STIL: variants seen among roughly 807,000 people sequenced by gnomAD.
STIL encodes the protein SCL-interrupting locus protein.
STIL carries 55 observed loss-of-function variants against 110.1 expected under a neutral mutation model. That is an observed-to-expected ratio of 0.50 (90% confidence interval 0.40 to 0.63). STIL has a LOEUF of 0.63. STIL is among the 20% of genes least tolerant of loss of function. The pLI, the probability that STIL is intolerant of heterozygous loss-of-function variation, is 0.00. For missense variants in STIL, 1,358 were observed against 1,530.0 expected (o/e 0.89, Z 1.87); for synonymous variants, 481 against 530.0 (o/e 0.91, Z 1.27).
chr1:47,301,719 G>A lies in STIL; in HGVS notation c.295C>T (p.Arg99Cys), dbSNP rs1183021387. 3 of 1,613,926 alleles carry A rather than the reference G, an allele frequency of 1.9e-6. No individual in the cohort carries two copies. Among genetic ancestry groups the A allele is most frequent in the Non-Finnish European group, 1.7e-6 (2 of 1,179,992 alleles). Reference protein sequence around the residue: ...DEEGVTLTVDRFDPGREVPEC... With the variant: ...DEEGVTLTVDCFDPGREVPEC... ...GGTACTTCTCGACCAGGATCAAAGC[G>A]ATCTACTGTCAATGTTACACCTTCT... The change falls in exon 5 of 17, where the codon CGC becomes TGC. Residue 99 changes from arginine (R) to cysteine (C), a missense_variant. Transcript: ENST00000371877.
chr1:47,304,223 T>C (rs1316166033), intron 3 of STIL, among the ~76,000 whole-genome samples: 1 of 151,964 alleles, frequency 6.6e-6, no homozygotes, highest in Non-Finnish European at 1.5e-5. Context: ...CTCACTTTGT[T>C]GCCCAGGCTG....
intron 1 of STIL, among the ~76,000 whole-genome samples, chr1:47,312,334 C>CA (rs1278458803): frequency 6.6e-6 from 1 of 151,888 alleles, no homozygotes; most frequent in Non-Finnish European, 1.5e-5. Context: ...ACTAAAAATA[C>CA]AAAAAATTAG....
At chr1:47,253,532 C>T (rs1644245445) in intron 16 of STIL, among the ~76,000 whole-genome samples, 1 of 152,086 alleles carries the variant, frequency 6.6e-6, no homozygotes, top group Non-Finnish European at 1.5e-5. Context: ...GTTGAGAAAA[C>T]TGAGGAATAG....
At chr1:47,256,522 G>A (rs1644331704) in intron 16 of STIL, among the ~76,000 whole-genome samples, 4 of 151,352 alleles carry the variant, frequency 2.6e-5, no homozygotes, top group Admixed American at 6.6e-5. Flanking sequence ...TCAGGAGGCG[G>A]AGGCAGAAGA....
intron 16 of STIL, among the ~76,000 whole-genome samples, chr1:47,253,371 C>T (rs193083760): frequency 2.6e-4 from 40 of 152,286 alleles, no homozygotes; most frequent in Non-Finnish European, 2.9e-5. Flanking sequence ...TATTGTCTAG[C>T]ACCCTCATGA....
chr1:47,268,440 T>C (rs1028293056), intron 14 of STIL, among the ~76,000 whole-genome samples: 6 of 149,618 alleles, frequency 4.0e-5, no homozygotes, highest in Admixed American at 2.0e-4. Flanking sequence ...AGCGAGACTC[T>C]TGTCTCAAAA....
chr1:47,257,851 G>A (rs957892047), intron 16 of STIL, among the ~76,000 whole-genome samples: 1 of 152,190 alleles, frequency 6.6e-6, no homozygotes, highest in African/African-American at 2.4e-5. Context: ...GTTATCTTGT[G>A]TATTACGATA....
intron 1 of STIL, among the ~76,000 whole-genome samples, chr1:47,311,798 C>T (rs934258483): frequency 6.6e-6 from 1 of 152,082 alleles, no homozygotes; most frequent in African/African-American, 2.4e-5. Context: ...TGTAATCCCA[C>T]CACTTTGGGA....
At chr1:47,280,118 C>G (rs1223006948) in intron 12 of STIL, 123 bp downstream of exon 12, 2 of 1,343,036 alleles carry the variant, frequency 1.5e-6, no homozygotes, top group Non-Finnish European at 2.1e-6. Flanking sequence ...ATTCAGTTTC[C>G]AAGGTCCCTC....
At chr1:47,265,720 G>A (rs1467621532) in intron 14 of STIL, among the ~76,000 whole-genome samples, 1 of 146,662 alleles carries the variant, frequency 6.8e-6, no homozygotes, top group Non-Finnish European at 1.5e-5. Context: ...GGCGGAGGGT[G>A]CAGTGAGCTG....
At chr1:47,287,523 C>T in intron 10 of STIL, 28 bp downstream of exon 10, 1 of 1,424,312 alleles carries the variant, frequency 7.0e-7, no homozygotes. Context: ...TAAAAAAACA[C>T]ACACATAATA....
In STIL at chr1:47,289,601, C is replaced by A; in HGVS notation, c.873-16G>T. The A allele has an allele frequency of 1.2e-6, 2 of 1,605,956 alleles. No homozygotes were observed. Among genetic ancestry groups the A allele is most frequent in the South Asian group, 2.2e-5 (2 of 90,724 alleles). ...TGAAAAAACCCTGCACAAAAAAAGT[C>A]ATTTAATTAAAATTTAATGAGGATA... On this transcript the variant is annotated splice_polypyrimidine_tract_variant and intron_variant, in intron 8 of 16. Transcript: ENST00000371877.
intron 3 of STIL, among the ~76,000 whole-genome samples, chr1:47,304,156 TTTCC>T (rs1476282940): frequency 6.6e-6 from 1 of 151,894 alleles, no homozygotes; most frequent in Non-Finnish European, 1.5e-5. Flanking sequence ...ACCGTTTTTT[TTTCC>T]TTATTTTGTT....
chr1:47,303,155 A>G (rs972483401), intron 3 of STIL, among the ~76,000 whole-genome samples: 5 of 152,260 alleles, frequency 3.3e-5, no homozygotes, highest in African/African-American at 9.6e-5. Flanking sequence ...CAAAAATTCA[A>G]TAAGTTATAT....
intron 13 of STIL, among the ~76,000 whole-genome samples, chr1:47,270,670 CTTTTTT>C (rs542462270): frequency 7.5e-4 from 71 of 94,084 alleles, no homozygotes; most frequent in South Asian, 1.7e-3. Context: ...GTTTCCCAAT[CTTTTTT>C]TTTTTTTTTT....
chr1:47,302,434 C>T, intron 3 of STIL, 88 bp from the exon 4 acceptor site: 2 of 1,005,820 alleles, frequency 2.0e-6, no homozygotes, highest in Non-Finnish European at 3.1e-6. Flanking sequence ...AATTATAACA[C>T]ACATTTTTAA....
rs1645410161 is a variant in STIL at position 47,289,435 on chromosome 1, T to C, written c.1023A>G (p.Lys341=). 1 of 1,613,640 alleles carries C rather than the reference T, an allele frequency of 6.2e-7. No individual in the cohort carries two copies. Among genetic ancestry groups the C allele is most frequent in the Admixed American group, 1.7e-5 (1 of 59,990 alleles). The change falls in exon 9 of 17, where the codon AAA becomes AAG. Residue 341 remains lysine, a splice_region_variant and synonymous_variant. Transcript: ENST00000371877. The part of the protein sequence containing the change: ...LTSKETLHLF[K]NVEPPDKNPI... ...TGTACTAGACAATGAAATCACTTACTTTGAAAAGATGTAATGTTTCCTTAC... is the reference window on the plus strand; with the variant it reads ...TGTACTAGACAATGAAATCACTTACCTTGAAAAGATGTAATGTTTCCTTAC...
Position 47,250,335 on chromosome 1 carries a change from T to C in STIL, c.*801A>G, listed in dbSNP as rs544091631. 5.3e-4 allele frequency: 92 copies of C among 174,916 alleles called. No individual in the cohort carries two copies. Among genetic ancestry groups the C allele is most frequent in the South Asian group, 1.0e-3 (5 of 4,962 alleles). The allele number at this position is 174,916 out of a possible 1,614,324, so 10.8% of individuals were successfully genotyped here. ...AGCTGTATCTCGAGTTTAATCAACATGCATCCTAATTAAGGGGAAATACAC... is the reference window on the plus strand; with the variant it reads ...AGCTGTATCTCGAGTTTAATCAACACGCATCCTAATTAAGGGGAAATACAC... On this transcript the variant is annotated 3_prime_UTR_variant, in exon 17 of 17. Coordinates refer to ENST00000371877, the MANE Select transcript of STIL (RefSeq NM_001048166.1).
chr1:47,269,647 A>C lies in STIL; in HGVS notation c.2603T>G (p.Leu868Arg). The C allele has an allele frequency of 6.2e-7, 1 of 1,614,068 alleles. No homozygotes were observed. Residue 868 changes from leucine to arginine, a missense_variant, in exon 14 of 17, where the codon CTT becomes CGT. Physicochemically the swap from Leu to Arg is moderately radical, Grantham distance 102. Transcript: ENST00000371877. The part of the protein sequence containing the change: ...IAVEEEFNQP[L>R]SVSNSSSLVV... Reference sequence around the variant, plus strand: ...AAAGAGACCTTACTTGGATACAGAAAGTGGCTGGTTAAATTCTTCTTCCAC... The same window carrying C: ...AAAGAGACCTTACTTGGATACAGAACGTGGCTGGTTAAATTCTTCTTCCAC...
Sources: allele counts gnomAD v4.1 joint callset (sites outside exome capture counted in the v4.1 genomes callset), GRCh38; gene constraint gnomAD v4.1.1; transcripts MANE v1.5; gene names NCBI Gene and HGNC (gene_info 2026-07-23, HGNC 2026-07-21).